Variants in XPNPEP3 observed in about 807,000 individuals in gnomAD.
The protein encoded by XPNPEP3 is xaa-Pro aminopeptidase 3.
XPNPEP3 carries 41 observed loss-of-function variants against 60.0 expected under a neutral mutation model. The observed-to-expected ratio is 0.68, with a 90% CI of 0.53 to 0.89. XPNPEP3 has a LOEUF of 0.89. Ranked by LOEUF, XPNPEP3 falls within the 40% of genes least tolerant of loss-of-function variation. XPNPEP3 has a pLI of 0.00. For missense variants in XPNPEP3, 598 were observed against 638.9 expected, an observed-to-expected ratio of 0.94 and a Z score of 0.69; for synonymous variants, 212 against 223.2, an observed-to-expected ratio of 0.95 and a Z score of 0.45.
At chr22:40,923,464 A>G (rs532683807) in intron 8 of XPNPEP3, among the ~76,000 whole-genome samples, 1 of 152,006 alleles carries the variant, frequency 6.6e-6, no homozygotes, top group Non-Finnish European at 1.5e-5. Context: ...TCTCCTACCT[A>G]CAAGTTAAGC....
intron 5 of XPNPEP3, among the ~76,000 whole-genome samples, chr22:40,908,083 G>C (rs1457611306): frequency 6.6e-6 from 1 of 151,916 alleles, no homozygotes; most frequent in East Asian, 1.9e-4. Context: ...GTGTGGTAAC[G>C]TATGCCTGTA....
At position 40,861,087 on chromosome 22, in the gene XPNPEP3, T is replaced by A. The variant is rs145207383; in HGVS notation, c.64+3842T>A. Reference sequence around the variant, plus strand: ...AATTTAACAATTCCTTTTGGTAGACTTCTTTTGCACCTCTTTACGCTTCTT... The same window carrying A: ...AATTTAACAATTCCTTTTGGTAGACATCTTTTGCACCTCTTTACGCTTCTT... On this transcript the variant is annotated intron_variant, in intron 1 of 9. Coordinates refer to ENST00000357137, the MANE Select transcript of XPNPEP3 (RefSeq NM_022098.4). The A allele has an allele frequency of 2.5e-6, 4 of 1,591,916 alleles. No homozygotes were observed. In the Admixed American group the frequency reaches 7.3e-5, roughly 29 times the overall value.
At chr22:40,908,605 A>C (rs2058165295) in intron 5 of XPNPEP3, among the ~76,000 whole-genome samples, 1 of 152,234 alleles carries the variant, frequency 6.6e-6, no homozygotes, top group South Asian at 2.1e-4. Context: ...TAGTGAAATT[A>C]GTAGGACTGC....
chr22:40,861,017 C>A, intron 1 of XPNPEP3: 2 of 1,518,018 alleles, frequency 1.3e-6, no homozygotes, highest in South Asian at 1.3e-5. Flanking sequence ...TGTGATTAAC[C>A]AAAACACACA....
intron 3 of XPNPEP3, among the ~76,000 whole-genome samples, chr22:40,883,482 C>T (rs572895355): frequency 5.3e-5 from 8 of 152,228 alleles, no homozygotes; most frequent in African/African-American, 1.9e-4. Flanking sequence ...GCCTCAGCCT[C>T]CAGAATACTG....
At chr22:40,900,461 C>T (rs1429948502) in intron 4 of XPNPEP3, among the ~76,000 whole-genome samples, 3 of 151,852 alleles carry the variant, frequency 2.0e-5, no homozygotes, top group Non-Finnish European at 4.4e-5. Flanking sequence ...AAAAAATTAG[C>T]CAGGCATGGT....
intron 2 of XPNPEP3, among the ~76,000 whole-genome samples, chr22:40,873,485 C>T (rs375988417): frequency 1.3e-5 from 2 of 152,104 alleles, no homozygotes; most frequent in African/African-American, 4.8e-5. Context: ...AAATATAAGA[C>T]GATGCTTTCA....
chr22:40,885,770 T>G (rs2058066104), intron 3 of XPNPEP3, among the ~76,000 whole-genome samples: 1 of 152,130 alleles, frequency 6.6e-6, no homozygotes, highest in Non-Finnish European at 1.5e-5. Flanking sequence ...GGATCACAAG[T>G]CAGGAGTTCG....
chr22:40,903,101 C>G (rs945034856), intron 4 of XPNPEP3, among the ~76,000 whole-genome samples: 1 of 152,222 alleles, frequency 6.6e-6, no homozygotes, highest in Non-Finnish European at 1.5e-5. Flanking sequence ...CAAGCTGATA[C>G]AAACTGCTCT....
chr22:40,887,739 CA>C (rs1161840394), intron 4 of XPNPEP3, among the ~76,000 whole-genome samples: 1 of 152,100 alleles, frequency 6.6e-6, no homozygotes, highest in Admixed American at 6.6e-5. Context: ...AATGGAATCT[CA>C]GCTAGGGATT....
intron 2 of XPNPEP3, chr22:40,870,352 A>G (rs2057998929): frequency 4.2e-6 from 1 of 238,128 alleles, no homozygotes; most frequent in South Asian, 4.4e-5. Context: ...TGGCCTCTGT[A>G]TCTAGATTTT....
chr22:40,882,222 T>C, intron 3 of XPNPEP3, 45 bp downstream of exon 3: 1 of 1,609,392 alleles, frequency 6.2e-7, no homozygotes. Context: ...AGATTGGGAT[T>C]AAAACCTTTC....
At chr22:40,862,349 CTG>C in intron 1 of XPNPEP3, 2 of 1,016,974 alleles carry the variant, frequency 2.0e-6, no homozygotes, top group Middle Eastern at 4.9e-4. Flanking sequence ...CCAATGGAAT[CTG>C]TTGCTAATAG....
At chr22:40,876,510 A>G (rs112650705) in intron 2 of XPNPEP3, among the ~76,000 whole-genome samples, 3 of 152,240 alleles carry the variant, frequency 2.0e-5, no homozygotes, top group Non-Finnish European at 4.4e-5. Flanking sequence ...TCCATTTTAC[A>G]TGAGGAAACT....
intron 4 of XPNPEP3, among the ~76,000 whole-genome samples, chr22:40,896,918 TACTTC>T (rs200126378): frequency 0.012 from 1,813 of 152,272 alleles, 38 homozygotes; most frequent in African/African-American, 0.042. Flanking sequence ...GTAACTGGCT[TACTTC>T]ACTTAGTAAA....
chr22:40,861,190 C>T (rs758376346), intron 1 of XPNPEP3: 4 of 1,613,914 alleles, frequency 2.5e-6, no homozygotes, highest in Non-Finnish European at 3.4e-6. Context: ...CAAGATATAC[C>T]TCCCTCATCA....
At chr22:40,863,039 C>T (rs1195641996) in intron 1 of XPNPEP3, among the ~76,000 whole-genome samples, 1 of 152,174 alleles carries the variant, frequency 6.6e-6, no homozygotes, top group Non-Finnish European at 1.5e-5. Context: ...GACAGTCAGC[C>T]ACATAGTGAT....
intron 2 of XPNPEP3, chr22:40,870,108 C>T (rs566886489): frequency 2.1e-6 from 1 of 470,406 alleles, no homozygotes; most frequent in South Asian, 1.5e-5. Flanking sequence ...CACTGAAACC[C>T]ACAAGAAATC....
At chr22:40,876,557 A>G (rs559880410) in intron 2 of XPNPEP3, among the ~76,000 whole-genome samples, 1 of 152,352 alleles carries the variant, frequency 6.6e-6, no homozygotes, top group South Asian at 2.1e-4. Flanking sequence ...TTCCAAACTT[A>G]GTGAATTGCT....
Sources: gnomAD v4.1 joint callset for allele counts (sites outside exome capture counted in the v4.1 genomes callset) on GRCh38, gnomAD v4.1.1 for gene constraint, MANE v1.5 for transcripts, NCBI Gene and HGNC (gene_info 2026-07-23, HGNC 2026-07-21) for gene names.